Variants in AFF3 observed in about 807,000 individuals in gnomAD.
AFF3 encodes the protein AF4/FMR2 family member 3.
In AFF3, 32 loss-of-function variants were observed where a neutral mutation model predicts 129.7. The ratio of observed to expected loss-of-function variants is 0.25; its 90% CI spans 0.19 to 0.33. The LOEUF (loss-of-function observed/expected upper bound fraction) is 0.33. AFF3 is among the 10% of genes least tolerant of loss of function. The pLI is 1.00. For missense variants in AFF3, 1,373 were observed against 1,592.0 expected, an observed-to-expected ratio of 0.86 and a Z score of 2.34; for synonymous variants, 644 against 635.4, an observed-to-expected ratio of 1.01 and a Z score of -0.20.
chr2:99,838,141 T>C (rs1035463397), intron 7 of AFF3, among the ~76,000 whole-genome samples: 2 of 152,148 alleles, frequency 1.3e-5, no homozygotes, highest in Non-Finnish European at 2.9e-5. Context: ...CGAGGTGCAG[T>C]GGCTTCAGGT....
intron 8 of AFF3, among the ~76,000 whole-genome samples, chr2:99,812,326 C>T (rs549207053): frequency 3.9e-5 from 6 of 152,308 alleles, no homozygotes; most frequent in African/African-American, 1.4e-4. Context: ...TGTCTTCCTT[C>T]CGATACCCTC....
At chr2:99,941,373 T>C (rs1330820732) in intron 7 of AFF3, among the ~76,000 whole-genome samples, 1 of 152,230 alleles carries the variant, frequency 6.6e-6, no homozygotes, top group Non-Finnish European at 1.5e-5. Context: ...AGTTTAATGA[T>C]GTACCACGCT....
At chr2:100,033,246 G>A (rs1684655135) in intron 4 of AFF3, among the ~76,000 whole-genome samples, 1 of 151,992 alleles carries the variant, frequency 6.6e-6, no homozygotes, top group Admixed American at 6.6e-5. Context: ...AACATACAGG[G>A]TTAGCAAGAA....
intron 8 of AFF3, among the ~76,000 whole-genome samples, chr2:99,774,415 T>G (rs1259994507): frequency 1.3e-5 from 2 of 152,050 alleles, no homozygotes; most frequent in African/African-American, 4.8e-5. Context: ...TGGAACAGAA[T>G]AGAGAACCCA....
chr2:99,603,853 G>T (rs1343128191), intron 13 of AFF3, among the ~76,000 whole-genome samples: 1 of 152,112 alleles, frequency 6.6e-6, no homozygotes, highest in East Asian at 1.9e-4. Flanking sequence ...ACATACATGT[G>T]GCCAAAAAGC....
chr2:100,035,875 T>C (rs1684851400), intron 4 of AFF3, among the ~76,000 whole-genome samples: 1 of 152,134 alleles, frequency 6.6e-6, no homozygotes, highest in Non-Finnish European at 1.5e-5. Flanking sequence ...AACTAGCAGA[T>C]ATGAAAGTTA....
At chr2:99,685,879 G>A (rs1444743611) in intron 11 of AFF3, among the ~76,000 whole-genome samples, 1 of 152,132 alleles carries the variant, frequency 6.6e-6, no homozygotes, top group Non-Finnish European at 1.5e-5. Context: ...GGACAGGAGA[G>A]TAGGGATAAA....
chr2:99,934,752 T>C (rs954137177), intron 7 of AFF3, among the ~76,000 whole-genome samples: 2 of 152,168 alleles, frequency 1.3e-5, no homozygotes, highest in East Asian at 1.9e-4. Flanking sequence ...CGTCTTCTAT[T>C]AGTGCCTCTG....
At chr2:100,022,842 C>T (rs994641179) in intron 4 of AFF3, among the ~76,000 whole-genome samples, 6 of 148,166 alleles carry the variant, frequency 4.0e-5, no homozygotes, top group African/African-American at 1.6e-4. Context: ...ATGAAGACGG[C>T]TCTTCTTCCT....
chr2:99,851,695 T>C (rs1470662074), intron 7 of AFF3, among the ~76,000 whole-genome samples: 2 of 152,182 alleles, frequency 1.3e-5, no homozygotes. Flanking sequence ...CTAATATCTA[T>C]AAAGACCCAC....
Position 100,062,485 on chromosome 2 carries a change from C to A in AFF3, c.53+41917G>T, listed in dbSNP as rs189138670. Among the ~76,000 whole-genome samples the A allele has an allele frequency of 8.9e-4, 135 of 152,218 alleles. 1 individual carries two copies. The highest frequency in any genetic ancestry group is 3.2e-3 in the African/African-American group (131 of 41,530). ...CAACCAAAAATCCCTGGGCAGTGAG[C>A]CTCAGAAAAGGGGAACGGTCCTGTG... is the stretch of plus-strand genomic sequence containing the variant. On this transcript the variant is annotated intron_variant, in intron 4 of 24. Coordinates refer to ENST00000672756, the MANE Select transcript of AFF3 (RefSeq NM_001386135.1).
chr2:99,685,570 A>G (rs1357966052), intron 11 of AFF3, among the ~76,000 whole-genome samples: 1 of 152,232 alleles, frequency 6.6e-6, no homozygotes, highest in Non-Finnish European at 1.5e-5. Context: ...GTATATTTCG[A>G]GTTTATATAA....
chr2:99,780,552 GTGCATCTAAC>G (rs1270015144), intron 8 of AFF3, among the ~76,000 whole-genome samples: 1 of 152,130 alleles, frequency 6.6e-6, no homozygotes, highest in Non-Finnish European at 1.5e-5. Flanking sequence ...TGCCAAACTT[GTGCATCTAAC>G]TGCTTCCCAG....
At chr2:100,045,566 GTT>G (rs35208027) in intron 4 of AFF3, among the ~76,000 whole-genome samples, 2 of 143,518 alleles carry the variant, frequency 1.4e-5, no homozygotes, top group Non-Finnish European at 3.1e-5. Context: ...CTTATTGTAG[GTT>G]TTTTTTTTTT....
At chr2:99,561,056 A>G (rs1675420970) in intron 20 of AFF3, among the ~76,000 whole-genome samples, 1 of 152,232 alleles carries the variant, frequency 6.6e-6, no homozygotes. Context: ...ATACCAAATT[A>G]CATATGCAGA....
rs1261675227 is a variant in AFF3 at position 99,558,871 on chromosome 2, G to A, written c.3285+4C>T. ...AACAATTCTGCTCATTCACTAGACA[G>A]TACCTTGAAATAGTCGATTAGTGCT... On this transcript the variant is annotated splice_donor_region_variant and intron_variant, in intron 22 of 24. Coordinates refer to ENST00000672756, the MANE Select transcript of AFF3 (RefSeq NM_001386135.1). The A allele has an allele frequency of 6.2e-7, 1 of 1,613,190 alleles. No individual in the cohort carries two copies. Among genetic ancestry groups the A allele is most frequent in the Non-Finnish European group, 8.5e-7 (1 of 1,179,212 alleles).
chr2:99,584,387 C>T (rs533122358), intron 16 of AFF3, among the ~76,000 whole-genome samples: 87 of 152,260 alleles, frequency 5.7e-4, no homozygotes, highest in East Asian at 4.1e-3. Flanking sequence ...GCAGGAGAAT[C>T]GCTTGGGAGA....
At position 100,142,551 on chromosome 2, in the gene AFF3, G is replaced by A. The variant is rs546827614; in HGVS notation, c.-295C>T. ...TTGAACGTCTTTCTTCTGAGGCTGA[G>A]CGTGGAGCTCTCTTCTCGCTGGCGA... is the stretch of plus-strand genomic sequence containing the variant. On this transcript the variant is annotated 5_prime_UTR_variant, in exon 1 of 25. Transcript: ENST00000672756. 2 of 152,554 alleles carry A rather than the reference G, an allele frequency of 1.3e-5. No individual in the cohort carries two copies. The highest frequency in any genetic ancestry group is 2.1e-4 in the South Asian group (1 of 4,832). The allele number at this position is 152,554 out of a possible 1,614,324, so 9.5% of individuals were successfully genotyped here.
chr2:99,807,700 G>A (rs993166822), intron 8 of AFF3, among the ~76,000 whole-genome samples: 1 of 152,148 alleles, frequency 6.6e-6, no homozygotes, highest in Non-Finnish European at 1.5e-5. Flanking sequence ...AAGTCTTGTA[G>A]CAAAACACCC....
Sources: gnomAD v4.1 joint callset for allele counts (sites outside exome capture counted in the v4.1 genomes callset) on GRCh38, gnomAD v4.1.1 for gene constraint, MANE v1.5 for transcripts, NCBI Gene and HGNC (gene_info 2026-07-23, HGNC 2026-07-21) for gene names.